SLC41A3: variants seen among roughly 807,000 people sequenced by gnomAD.
SLC41A3 encodes the protein solute carrier family 41 member 3, also known as SLC41A1-like 2.
Under a neutral mutation model 45.4 loss-of-function variants are expected in SLC41A3, and 44 were observed. The observed-to-expected ratio is 0.97, with a 90% CI of 0.76 to 1.25. The LOEUF (loss-of-function observed/expected upper bound fraction) is 1.25, where lower values mean the gene tolerates loss of function less well. Ranked by LOEUF, SLC41A3 falls within the 50% of genes most tolerant of loss-of-function variation. The pLI is 0.00. For missense variants in SLC41A3, 550 were observed against 600.6 expected, an observed-to-expected ratio of 0.92 and a Z score of 0.88; for synonymous variants, 256 against 252.4, an observed-to-expected ratio of 1.01 and a Z score of -0.13.
intron 1 of SLC41A3, among the ~76,000 whole-genome samples, chr3:126,076,138 G>A (rs1367043588): frequency 2.0e-5 from 3 of 152,124 alleles, no homozygotes; most frequent in Non-Finnish European, 2.9e-5. Flanking sequence ...ACAATAAAAA[G>A]ACAATTTAAA....
chr3:126,072,614 A>C (rs1240607968), intron 1 of SLC41A3, among the ~76,000 whole-genome samples: 3 of 152,224 alleles, frequency 2.0e-5, no homozygotes, highest in Non-Finnish European at 2.9e-5. Flanking sequence ...AAAGTCAAAA[A>C]ATAACAGATG....
chr3:126,092,103 A>G (rs1945499035), intron 1 of SLC41A3, among the ~76,000 whole-genome samples: 1 of 152,208 alleles, frequency 6.6e-6, no homozygotes, highest in Non-Finnish European at 1.5e-5. Context: ...CCTGCTGGGA[A>G]CAGGCCCCCC....
chr3:126,034,052 G>A (rs941279905), intron 3 of SLC41A3, among the ~76,000 whole-genome samples: 1 of 152,120 alleles, frequency 6.6e-6, no homozygotes, highest in Non-Finnish European at 1.5e-5. Flanking sequence ...GCAATTTGAA[G>A]GCCATTTCTA....
At chr3:126,087,326 G>A (rs1273500825), upstream of SLC41A3, among the ~76,000 whole-genome samples, 1 of 152,028 alleles carries the variant, frequency 6.6e-6, no homozygotes, top group Non-Finnish European at 1.5e-5. Context: ...CTTCAATAAT[G>A]ACTGTCACAG....
intron 2 of SLC41A3, among the ~76,000 whole-genome samples, chr3:126,059,268 A>AAGAAAGAAAGAAAGAAAAGAAAG (rs1943891752): frequency 7.1e-6 from 1 of 141,010 alleles, no homozygotes; most frequent in Non-Finnish European, 1.5e-5. Context: ...AGAAAGAAGA[A>AAGAAAGAAAGAAAGAAAAGAAAG]AGAAAGAAAG....
At chr3:126,099,362 T>C (rs1945665130) in intron 1 of SLC41A3, among the ~76,000 whole-genome samples, 1 of 152,238 alleles carries the variant, frequency 6.6e-6, no homozygotes, top group South Asian at 2.1e-4. Flanking sequence ...TATATTAATA[T>C]CATTTAGATA....
intron 6 of SLC41A3, among the ~76,000 whole-genome samples, chr3:126,018,607 C>A (rs1940542527): frequency 6.6e-6 from 1 of 152,172 alleles, no homozygotes; most frequent in African/African-American, 2.4e-5. Context: ...TTTCTCAAAT[C>A]CCTAGGCCTA....
chr3:126,068,194 C>T lies in SLC41A3; in HGVS notation c.26G>A (p.Arg9Gln). The change falls in exon 2 of 11, where the codon CGG becomes CAG. Residue 9 changes from arginine to glutamine, a missense_variant. Transcript: ENST00000360370. ...TGGCTTGCCACAGCTGTCCAGCCTC[C>T]GCTGCCGGGTCTCTGTCCCATCCAT... MDGTETRQ[R>Q]RLDSCGKPGE... The T allele has an allele frequency of 1.3e-6, 2 of 1,559,838 alleles. No individual in the cohort carries two copies. The highest frequency in any genetic ancestry group is 1.7e-6 in the Non-Finnish European group (2 of 1,154,252).
intron 3 of SLC41A3, among the ~76,000 whole-genome samples, chr3:126,035,884 C>A (rs1942152294): frequency 6.6e-6 from 1 of 152,096 alleles, no homozygotes; most frequent in Admixed American, 6.5e-5. Context: ...GGATATTTTT[C>A]TGCCCTGGAA....
chr3:126,097,236 C>T (rs774040144), intron 1 of SLC41A3, among the ~76,000 whole-genome samples: 3 of 152,136 alleles, frequency 2.0e-5, no homozygotes, highest in Non-Finnish European at 4.4e-5. Flanking sequence ...CCATCTGAGG[C>T]TTTCTTCCTT....
chr3:126,066,368 C>T (rs1472774313), intron 2 of SLC41A3, among the ~76,000 whole-genome samples: 1 of 152,152 alleles, frequency 6.6e-6, no homozygotes, highest in African/African-American at 2.4e-5. Flanking sequence ...ATTCTTTACC[C>T]ACAGTAACCA....
intron 3 of SLC41A3, among the ~76,000 whole-genome samples, chr3:126,034,589 C>G: frequency 6.6e-6 from 1 of 152,242 alleles, no homozygotes; most frequent in South Asian, 2.1e-4. Context: ...ATGACACCCA[C>G]CGCAGGTGTC....
chr3:126,087,554 G>A (rs1176857437), upstream of SLC41A3, among the ~76,000 whole-genome samples: 2 of 151,586 alleles, frequency 1.3e-5, no homozygotes, highest in Non-Finnish European at 3.0e-5. Flanking sequence ...TATAAAACAA[G>A]GTAAAAGGAA....
At chr3:126,098,893 C>T (rs543310375) in intron 1 of SLC41A3, among the ~76,000 whole-genome samples, 23 of 149,756 alleles carry the variant, frequency 1.5e-4, no homozygotes, top group African/African-American at 5.4e-4. Flanking sequence ...CTTCTCTTGA[C>T]AGCTGCTCCA....
intron 2 of SLC41A3, among the ~76,000 whole-genome samples, chr3:126,063,958 C>T (rs1343795345): frequency 2.2e-5 from 3 of 138,356 alleles, no homozygotes; most frequent in African/African-American, 5.3e-5. Flanking sequence ...AACCCCCCCC[C>T]GGGGACACAC....
chr3:126,095,628 A>C (rs962183595), intron 1 of SLC41A3, among the ~76,000 whole-genome samples: 89 of 152,344 alleles, frequency 5.8e-4, no homozygotes, highest in African/African-American at 2.1e-3. Flanking sequence ...TACCATAATA[A>C]ATCTGTTCCT....
chr3:126,011,389 A>G (rs1939695880), intron 9 of SLC41A3, among the ~76,000 whole-genome samples: 1 of 152,258 alleles, frequency 6.6e-6, no homozygotes, highest in Non-Finnish European at 1.5e-5. Flanking sequence ...AAAAAGTGAT[A>G]GAAATGAGCC....
At chr3:126,100,754 C>T (rs1945692619) in intron 1 of SLC41A3, among the ~76,000 whole-genome samples, 1 of 152,204 alleles carries the variant, frequency 6.6e-6, no homozygotes, top group Non-Finnish European at 1.5e-5. Context: ...TGTCCTTGCA[C>T]TCTCAGCAGC....
Position 126,006,776 on chromosome 3 carries a change from GCATGTGCACACAT to G in SLC41A3, c.*227_*239del. On this transcript the variant is annotated 3_prime_UTR_variant, in exon 11 of 11. Transcript: ENST00000360370. ...GTGTGCACACTTGCACGCTCATTAAGCATGTGCACACATCATATTCACACACTCAAGCCATGCT... is the reference window on the plus strand; with the variant it reads ...GTGTGCACACTTGCACGCTCATTAAGCATATTCACACACTCAAGCCATGCT... The G allele has an allele frequency of 6.9e-7, 1 of 1,442,768 alleles. No individual in the cohort carries two copies. The highest frequency in any genetic ancestry group is 9.1e-7 in the Non-Finnish European group (1 of 1,104,368). The allele number at this position is 1,442,768 out of a possible 1,614,324, so 89.4% of individuals were successfully genotyped here.
Sources: gnomAD v4.1 joint callset for allele counts (sites outside exome capture counted in the v4.1 genomes callset) on GRCh38, gnomAD v4.1.1 for gene constraint, MANE v1.5 for transcripts, NCBI Gene and HGNC (gene_info 2026-07-23, HGNC 2026-07-21) for gene names.